The following NGLY1 variants were observed in gnomAD, a reference collection of about 807,000 sequenced individuals.
NGLY1 encodes peptide-N(4)-(N-acetyl-beta-glucosaminyl)asparagine amidase.
NGLY1 carries 68 observed loss-of-function variants against 84.6 expected under a neutral mutation model. The ratio of observed to expected loss-of-function variants is 0.80; its 90% CI spans 0.66 to 0.98. NGLY1 has a LOEUF of 0.98. Among genes scored for constraint, NGLY1 ranks in the 50% least tolerant of loss-of-function variants. The probability of loss-of-function intolerance (pLI) is 0.00; values close to 1 mark genes in which losing one functional copy is unlikely to be tolerated. For missense variants in NGLY1, 779 were observed against 770.2 expected (o/e 1.01, Z -0.14); for synonymous variants, 280 against 275.2 (o/e 1.02, Z -0.17).
rs1708500278 is a variant in NGLY1, at chr3:25,783,186, C to T, written c.131+74G>A. On this transcript the variant is annotated intron_variant, in intron 1 of 11. Coordinates refer to ENST00000280700, the MANE Select transcript of NGLY1 (RefSeq NM_018297.4). The surrounding 1 kb of genome is among the most constrained non-coding windows in gnomAD (Gnocchi z 4.5). ...GCCCTCTGAAGCTCAGGCCGGACGC[C>T]CCAGTCCCTGGCCGAACAAGGTGCC... 2.8e-6 allele frequency: 4 copies of T among 1,411,018 alleles called. No homozygotes were observed. The highest frequency in any genetic ancestry group is 1.8e-5 in the Admixed American group (1 of 56,528). 87.4% of individuals were successfully genotyped at this position (1,411,018 alleles called of 1,614,324 possible).
At chr3:25,753,123 A>G (rs1223237077) in intron 3 of NGLY1, among the ~76,000 whole-genome samples, 3 of 152,232 alleles carry the variant, frequency 2.0e-5, no homozygotes, top group Non-Finnish European at 4.4e-5. Context: ...TGCTAAGCAT[A>G]TAATGATGAC....
chr3:25,755,928 C>A (rs1707014391), intron 3 of NGLY1, among the ~76,000 whole-genome samples: 1 of 152,136 alleles, frequency 6.6e-6, no homozygotes, highest in African/African-American at 2.4e-5. Context: ...GTTTTTGAGA[C>A]ACTTTTCTGC....
chr3:25,757,828 T>C (rs549369229), intron 3 of NGLY1, among the ~76,000 whole-genome samples: 8 of 152,310 alleles, frequency 5.3e-5, no homozygotes, highest in South Asian at 4.1e-4. Flanking sequence ...ATATTTACTA[T>C]CTGAATTAAC....
At chr3:25,756,749 T>C (rs1398643614) in intron 3 of NGLY1, among the ~76,000 whole-genome samples, 1 of 152,182 alleles carries the variant, frequency 6.6e-6, no homozygotes, top group African/African-American at 2.4e-5. Flanking sequence ...ATATCACATA[T>C]AAGATGGGAT....
Position 25,783,215 on chromosome 3 carries a change from G to GCCCC in NGLY1, c.131+44_131+45insGGGG. 1.3e-6 allele frequency: 2 copies of GCCCC among 1,560,196 alleles called. No individual in the cohort carries two copies. Among genetic ancestry groups the GCCCC allele is most frequent in the Non-Finnish European group, 1.8e-6 (2 of 1,137,826 alleles). ...GTCCCTGGCCGAACAAGGTGCCGCGGCCCACCCACCCCGGTACCCGCCGTC... is the reference window on the plus strand; with the variant it reads ...GTCCCTGGCCGAACAAGGTGCCGCGGCCCCCCCACCCACCCCGGTACCCGCCGTC... On this transcript the variant is annotated intron_variant, in intron 1 of 11. Coordinates refer to ENST00000280700, the MANE Select transcript of NGLY1 (RefSeq NM_018297.4). This position sits in a 1 kb window ranked among gnomAD's most constrained non-coding sequence, Gnocchi z 4.5.
At chr3:25,780,016 G>T (rs373647574) in intron 1 of NGLY1, among the ~76,000 whole-genome samples, 3 of 152,122 alleles carry the variant, frequency 2.0e-5, no homozygotes, top group African/African-American at 7.2e-5. Context: ...TGAATGTTCG[G>T]TATACAGCAA....
rs773327177 is a variant in NGLY1 at position 25,751,140 on chromosome 3, T to C, written c.616A>G (p.Lys206Glu). Residue 206 changes from lysine (K) to glutamate (E), a missense_variant, in exon 4 of 12, where the codon AAA (lysine) becomes GAA (glutamate). Coordinates refer to ENST00000280700, the MANE Select transcript of NGLY1 (RefSeq NM_018297.4). Reference sequence around the variant, plus strand: ...GCTCTCGATAACTTTTCTTGTGATTTCCTTTTTAGTTCTTGGACCGGAATA... The same window carrying C: ...GCTCTCGATAACTTTTCTTGTGATTCCCTTTTTAGTTCTTGGACCGGAATA... Reference protein sequence around the residue: ...ACIPVQELKRKSQEKLSRARK... With the variant: ...ACIPVQELKRESQEKLSRARK... 2 of 1,613,642 alleles carry C rather than the reference T, an allele frequency of 1.2e-6. No individual in the cohort carries two copies. Among genetic ancestry groups the C allele is most frequent in the Admixed American group, 1.7e-5 (1 of 59,914 alleles).
chr3:25,770,893 T>C (rs1161642962), intron 2 of NGLY1, among the ~76,000 whole-genome samples: 6 of 152,176 alleles, frequency 3.9e-5, no homozygotes, highest in Non-Finnish European at 5.9e-5. Context: ...AACTTTTTGA[T>C]GGGATTTTTT....
chr3:25,737,641 C>A (rs1423306293), intron 5 of NGLY1, among the ~76,000 whole-genome samples, 186 bp from the exon 6 acceptor site: 3 of 151,440 alleles, frequency 2.0e-5, no homozygotes, highest in Non-Finnish European at 4.4e-5. Flanking sequence ...CTCCCAGGTT[C>A]AAGTGATTCT....
At chr3:25,757,638 T>C (rs949400352) in intron 3 of NGLY1, among the ~76,000 whole-genome samples, 1 of 152,200 alleles carries the variant, frequency 6.6e-6, no homozygotes, top group Non-Finnish European at 1.5e-5. Context: ...TACAGTCTAA[T>C]GATAGCATTA....
At chr3:25,775,101 G>A (rs745430733) in intron 2 of NGLY1, among the ~76,000 whole-genome samples, 4 of 152,302 alleles carry the variant, frequency 2.6e-5, no homozygotes, top group East Asian at 1.9e-4. Flanking sequence ...GTCACACTTC[G>A]GGCACTCACA....
chr3:25,720,195 T>C lies in NGLY1; in HGVS notation c.1612-4A>G, dbSNP rs376954734. 6.2e-6 allele frequency: 10 copies of C among 1,610,870 alleles called. No individual in the cohort carries two copies. The highest frequency in any genetic ancestry group is 2.2e-5 in the South Asian group (2 of 90,820). ...CTTCCTTTCGGGCCAAATATACCTATAAGGAGTAGGGATGGGGAGAAAGGA... is the reference window on the plus strand; with the variant it reads ...CTTCCTTTCGGGCCAAATATACCTACAAGGAGTAGGGATGGGGAGAAAGGA... On this transcript the variant is annotated splice_polypyrimidine_tract_variant and splice_region_variant and intron_variant, in intron 10 of 11. Transcript: ENST00000280700.
At chr3:25,724,908 G>A (rs1405115423) in intron 10 of NGLY1, among the ~76,000 whole-genome samples, 1 of 152,114 alleles carries the variant, frequency 6.6e-6, no homozygotes, top group East Asian at 1.9e-4. Flanking sequence ...CATGGTTCCT[G>A]GCTCATAACT....
intron 3 of NGLY1, among the ~76,000 whole-genome samples, chr3:25,759,007 G>A (rs1432189871): frequency 1.3e-5 from 2 of 152,130 alleles, no homozygotes; most frequent in Non-Finnish European, 2.9e-5. Context: ...AGAAATTTGC[G>A]TGTGATTCCA....
Position 25,734,094 on chromosome 3 carries a change from T to C in NGLY1, c.1150-112A>G, listed in dbSNP as rs868672208. On this transcript the variant is annotated intron_variant, in intron 7 of 11. Transcript: ENST00000280700. ...TAAATGCATTTTTTTGGAGACGAAG[T>C]CTCGCTCTGTTGTCCAGGCTAGAGT... 1.0e-5 allele frequency: 15 copies of C among 1,433,356 alleles called. 1 individual carries two copies. In the Middle Eastern group the frequency reaches 2.6e-3, roughly 251 times the overall value. The allele number at this position is 1,433,356 out of a possible 1,614,324, so 88.8% of individuals were successfully genotyped here.
At chr3:25,733,816 T>A in intron 8 of NGLY1, 56 bp downstream of exon 8, 1 of 1,208,918 alleles carries the variant, frequency 8.3e-7, no homozygotes, top group South Asian at 1.4e-5. Flanking sequence ...AAACGGCTAT[T>A]CTCGATTACA....
At chr3:25,764,359 T>C in intron 2 of NGLY1, 48 bp from the exon 3 acceptor site, 4 of 1,578,276 alleles carry the variant, frequency 2.5e-6, no homozygotes, top group Non-Finnish European at 3.4e-6. Flanking sequence ...CTTTATGCAG[T>C]CATTCTTTTG....
intron 2 of NGLY1, among the ~76,000 whole-genome samples, chr3:25,771,142 T>C (rs1240384162): frequency 6.6e-6 from 1 of 152,212 alleles, no homozygotes; most frequent in African/African-American, 2.4e-5. Flanking sequence ...GACTAGTTTT[T>C]CTGATGTTAT....
At chr3:25,776,426 T>C (rs1411642172) in intron 2 of NGLY1, among the ~76,000 whole-genome samples, 2 of 152,218 alleles carry the variant, frequency 1.3e-5, no homozygotes, top group Admixed American at 1.3e-4. Context: ...ATCTTGAAAA[T>C]TGGCATTTCC....
Sources: gnomAD v4.1 joint callset for allele counts (sites outside exome capture counted in the v4.1 genomes callset) on GRCh38, gnomAD v4.1.1 for gene constraint, Gnocchi (gnomAD v3.1) non-coding constraint, MANE v1.5 for transcripts, NCBI Gene and HGNC (gene_info 2026-07-23, HGNC 2026-07-21) for gene names.